The following PDE4B variants were observed in gnomAD, a reference collection of about 807,000 sequenced individuals.
PDE4B encodes 3',5'-cyclic-AMP phosphodiesterase 4B.
In PDE4B, 20 loss-of-function variants were observed where a neutral mutation model predicts 82.2. That is an observed-to-expected ratio of 0.24 (90% CI 0.17 to 0.35). PDE4B has a LOEUF of 0.35. Ranked by LOEUF, PDE4B falls within the 10% of genes least tolerant of loss-of-function variation. The pLI is 1.00. For missense variants in PDE4B, 655 were observed against 907.2 expected (o/e 0.72, Z 3.57); for synonymous variants, 320 against 318.9 (o/e 1.00, Z -0.04).
At chr1:66,217,336 G>A (rs1395862323) in intron 3 of PDE4B, among the ~76,000 whole-genome samples, 1 of 152,148 alleles carries the variant, frequency 6.6e-6, no homozygotes, top group African/African-American at 2.4e-5. Context: ...GATGCGCAAT[G>A]ACTAGCAACA....
chr1:66,184,677 A>T (rs1410713113), intron 3 of PDE4B, among the ~76,000 whole-genome samples: 3 of 152,166 alleles, frequency 2.0e-5, no homozygotes, highest in African/African-American at 7.2e-5. Context: ...GCTTAAATAT[A>T]ACGAGGTGTA....
At chr1:65,997,159 C>T (rs1428814361) in intron 3 of PDE4B, among the ~76,000 whole-genome samples, 1 of 126,692 alleles carries the variant, frequency 7.9e-6, no homozygotes, top group Admixed American at 8.7e-5. Flanking sequence ...CCACCCCCGC[C>T]CCCCACCCTG....
chr1:65,959,567 T>C (rs911101762), intron 3 of PDE4B, among the ~76,000 whole-genome samples: 3 of 152,164 alleles, frequency 2.0e-5, no homozygotes, highest in Non-Finnish European at 4.4e-5. Context: ...GTACCATTAC[T>C]GGCTACTCAT....
At chr1:66,087,454 C>G (rs1361498119) in intron 3 of PDE4B, among the ~76,000 whole-genome samples, 1 of 152,090 alleles carries the variant, frequency 6.6e-6, no homozygotes, top group Non-Finnish European at 1.5e-5. Context: ...TGCCTGTTCA[C>G]TCTGATGGTA....
intron 3 of PDE4B, among the ~76,000 whole-genome samples, chr1:66,139,641 C>T (rs1646128102): frequency 1.3e-5 from 2 of 150,940 alleles, no homozygotes; most frequent in Non-Finnish European, 2.9e-5. Flanking sequence ...AGGGGATCAG[C>T]ATCTTCTGAG....
intron 3 of PDE4B, among the ~76,000 whole-genome samples, chr1:66,127,876 T>C (rs1039943777): frequency 3.9e-5 from 6 of 152,220 alleles, no homozygotes; most frequent in African/African-American, 1.4e-4. Context: ...TTTCTCAGTT[T>C]CTTCTTTATG....
rs549729047 is a variant in PDE4B, at chr1:66,230,626, C to T, written c.282-16834C>T. On this transcript the variant is annotated intron_variant, in intron 3 of 16. Transcript: ENST00000341517. ...GATTTAATTTGCGCATCACAAAGAC[C>T]GTTAGCCTTTAAACAGACAAAACAG... Among the ~76,000 whole-genome samples the T allele has an allele frequency of 2.8e-4, 43 of 152,276 alleles. 1 individual carries two copies. In the East Asian group the frequency reaches 3.1e-3, roughly 11 times the overall value.
chr1:65,916,214 ATTAAC>A (rs1411415285), intron 2 of PDE4B, among the ~76,000 whole-genome samples: 2 of 152,202 alleles, frequency 1.3e-5, no homozygotes, highest in Non-Finnish European at 2.9e-5. Context: ...TGCATTTAAT[ATTAAC>A]TGAGGTCTTC....
intron 1 of PDE4B, among the ~76,000 whole-genome samples, chr1:65,827,577 A>G (rs933244744): frequency 6.6e-6 from 1 of 152,182 alleles, no homozygotes; most frequent in African/African-American, 2.4e-5. Context: ...GTGAATGGAA[A>G]TTTCCCAAAA....
chr1:65,989,308 C>G (rs1436133899), intron 3 of PDE4B, among the ~76,000 whole-genome samples: 1 of 151,974 alleles, frequency 6.6e-6, no homozygotes, highest in Non-Finnish European at 1.5e-5. Context: ...TGAGACCAGC[C>G]TGGCCAACAT....
chr1:65,941,747 T>A (rs1374417013), intron 3 of PDE4B, among the ~76,000 whole-genome samples: 2 of 152,122 alleles, frequency 1.3e-5, no homozygotes, highest in Admixed American at 6.6e-5. Context: ...CTTATTTTTT[T>A]GTGATGAAAC....
chr1:66,104,595 C>A (rs1645301401), intron 3 of PDE4B, among the ~76,000 whole-genome samples: 2 of 148,738 alleles, frequency 1.3e-5, no homozygotes, highest in Admixed American at 1.3e-4. Context: ...TCCTCTCCAG[C>A]ACCTGTTGTT....
chr1:66,115,549 C>T (rs17128412), intron 3 of PDE4B, among the ~76,000 whole-genome samples: 9,541 of 152,158 alleles, frequency 0.063, 709 homozygotes, highest in East Asian at 0.31. Context: ...TTAATCAGAC[C>T]CTAGGAAATT....
intron 3 of PDE4B, among the ~76,000 whole-genome samples, chr1:65,941,786 C>T (rs1309491595): frequency 1.3e-5 from 2 of 151,948 alleles, no homozygotes; most frequent in Non-Finnish European, 2.9e-5. Context: ...TAGCAGTTTG[C>T]AAAAATATAG....
intron 3 of PDE4B, among the ~76,000 whole-genome samples, chr1:66,179,344 G>A (rs1310099991): frequency 6.6e-5 from 10 of 152,116 alleles, no homozygotes; most frequent in Non-Finnish European, 1.2e-4. Context: ...ATTTGTCAAT[G>A]GTCAGTGCAG....
chr1:66,081,518 C>T (rs1656722495), intron 3 of PDE4B, among the ~76,000 whole-genome samples: 1 of 152,084 alleles, frequency 6.6e-6, no homozygotes, highest in Non-Finnish European at 1.5e-5. Flanking sequence ...CTAATAACAT[C>T]TATCTATACT....
At chr1:66,186,848 G>C (rs7546655) in intron 3 of PDE4B, among the ~76,000 whole-genome samples, 2 of 151,814 alleles carry the variant, frequency 1.3e-5, no homozygotes, top group African/African-American at 4.8e-5. Context: ...CTAATTGCCC[G>C]GGCCAGAGCT....
intron 1 of PDE4B, among the ~76,000 whole-genome samples, chr1:65,896,938 TA>T (rs903213671): frequency 6.6e-6 from 1 of 152,072 alleles, no homozygotes; most frequent in Non-Finnish European, 1.5e-5. Context: ...TTGTGTTTTT[TA>T]AAAGGAAGTG....
At chr1:66,369,811 T>G (rs553859119) in intron 16 of PDE4B, among the ~76,000 whole-genome samples, 18 of 152,326 alleles carry the variant, frequency 1.2e-4, no homozygotes, top group Admixed American at 1.2e-3. Flanking sequence ...TTGCAATATT[T>G]ATTTTGTTGC....
Sources: allele counts gnomAD v4.1 joint callset (sites outside exome capture counted in the v4.1 genomes callset), GRCh38; gene constraint gnomAD v4.1.1; transcripts MANE v1.5; gene names NCBI Gene and HGNC (gene_info 2026-07-23, HGNC 2026-07-21).